Variants in PROM1 observed in about 807,000 individuals in gnomAD.
The protein encoded by PROM1 is prominin-1.
Under a neutral mutation model 116.9 loss-of-function variants are expected in PROM1, and 105 were observed. That is an observed-to-expected ratio of 0.90 (90% confidence interval 0.77 to 1.06). The LOEUF is 1.06. Ranked by LOEUF, PROM1 falls within the 50% of genes least tolerant of loss-of-function variation. The pLI, the probability that PROM1 is intolerant of heterozygous loss-of-function variation, is 0.00. For missense variants in PROM1, 1,122 were observed against 1,045.2 expected, an observed-to-expected ratio of 1.07 and a Z score of -1.01; for synonymous variants, 393 against 387.0, an observed-to-expected ratio of 1.02 and a Z score of -0.18.
chr4:15,973,949 G>A (rs28521658), intron 26 of PROM1, among the ~76,000 whole-genome samples: 13,960 of 152,180 alleles, frequency 0.092, 806 homozygotes, highest in African/African-American at 0.15. Flanking sequence ...TGGTCATCCT[G>A]CCCGGTTCCT....
chr4:15,972,772 G>C (rs776759886), intron 26 of PROM1, among the ~76,000 whole-genome samples: 3 of 152,118 alleles, frequency 2.0e-5, no homozygotes, highest in Non-Finnish European at 4.4e-5. Context: ...AATAAAGAAG[G>C]CCAATACATG....
intron 11 of PROM1, among the ~76,000 whole-genome samples, chr4:16,012,531 C>T (rs73230298): frequency 2.6e-5 from 4 of 152,136 alleles, no homozygotes; most frequent in African/African-American, 4.8e-5. Context: ...AGACTAAAAT[C>T]TTCCTAATAG....
At chr4:16,032,420 C>A (rs575040742) in intron 5 of PROM1, among the ~76,000 whole-genome samples, 1 of 152,290 alleles carries the variant, frequency 6.6e-6, no homozygotes, top group Admixed American at 6.5e-5. Context: ...TCCTGAATAT[C>A]ACTTCCTTAG....
chr4:16,035,722 A>T lies in PROM1; in HGVS notation c.303+13T>A, dbSNP rs1376664756. The T allele has an allele frequency of 6.2e-7, 1 of 1,609,718 alleles. No individual in the cohort carries two copies. Among genetic ancestry groups the T allele is most frequent in the Non-Finnish European group, 8.5e-7 (1 of 1,175,994 alleles). ...TTCCAAGAGCAACTTGAAATAGCAG[A>T]CAAGGACTTTACCTTTAGACCTAAG... is the stretch of plus-strand genomic sequence containing the variant. On this transcript the variant is annotated intron_variant, in intron 4 of 27. Coordinates refer to ENST00000447510, the MANE Select transcript of PROM1 (RefSeq NM_006017.3).
chr4:16,050,590 G>A (rs907643840), intron 2 of PROM1, among the ~76,000 whole-genome samples: 1 of 152,192 alleles, frequency 6.6e-6, no homozygotes, highest in East Asian at 1.9e-4. Context: ...CTGGGCTCAA[G>A]TGATTTCCCC....
intron 26 of PROM1, among the ~76,000 whole-genome samples, chr4:15,974,655 A>T (rs1309744760): frequency 6.6e-6 from 1 of 152,164 alleles, no homozygotes; most frequent in Admixed American, 6.5e-5. Context: ...TTCATTTATA[A>T]ACACAGGGTC....
chr4:16,061,230 A>C (rs1361260847), intron 2 of PROM1, among the ~76,000 whole-genome samples: 1 of 152,212 alleles, frequency 6.6e-6, no homozygotes, highest in African/African-American at 2.4e-5. Flanking sequence ...CAGAGATTTA[A>C]ATGAATCATT....
At chr4:15,988,701 A>G (rs572610050) in intron 19 of PROM1, among the ~76,000 whole-genome samples, 8 of 152,310 alleles carry the variant, frequency 5.3e-5, no homozygotes, top group African/African-American at 1.4e-4. Context: ...TTGGGAAAAA[A>G]GCATTTAAAA....
chr4:16,082,850 C>G (rs980967134), intron 1 of PROM1, among the ~76,000 whole-genome samples: 3 of 152,090 alleles, frequency 2.0e-5, no homozygotes, highest in African/African-American at 7.2e-5. Flanking sequence ...TGATCCCGAG[C>G]CTCTGACTTT....
chr4:16,036,240 T>C (rs1292869946), intron 3 of PROM1, among the ~76,000 whole-genome samples: 1 of 152,190 alleles, frequency 6.6e-6, no homozygotes, highest in African/African-American at 2.4e-5. Flanking sequence ...AACATCTCAA[T>C]GTTTGATTTT....
chr4:16,008,918 C>A, intron 12 of PROM1, 31 bp downstream of exon 12: 1 of 1,533,776 alleles, frequency 6.5e-7, no homozygotes, highest in East Asian at 2.3e-5. Context: ...AGTTCACTCT[C>A]GTAGTTCACC....
intron 15 of PROM1, among the ~76,000 whole-genome samples, chr4:15,995,345 A>G (rs374854143): frequency 2.1e-5 from 3 of 145,098 alleles, no homozygotes; most frequent in African/African-American, 7.5e-5. Flanking sequence ...GAAGACGAAG[A>G]AGAAGAAGGA....
At position 16,018,839 on chromosome 4, in the gene PROM1, C is replaced by T. The variant is rs539465888; in HGVS notation, c.785-299G>A. Among the ~76,000 whole-genome samples the T allele has an allele frequency of 1.7e-3, 265 of 152,280 alleles. 2 individuals carry two copies. Among genetic ancestry groups the T allele is most frequent in the Non-Finnish European group, 3.2e-3 (217 of 68,012 alleles). On this transcript the variant is annotated intron_variant, in intron 8 of 27. Coordinates refer to ENST00000447510, the MANE Select transcript of PROM1 (RefSeq NM_006017.3). Reference sequence around the variant, plus strand: ...GCAGCATTAACTGGCCAGCAGTGGCCAGCAAAGTTGTCACCACCCAGCCTC... The same window carrying T: ...GCAGCATTAACTGGCCAGCAGTGGCTAGCAAAGTTGTCACCACCCAGCCTC...
chr4:16,000,573 C>T lies in PROM1; in HGVS notation c.1501G>A (p.Val501Met). The T allele has an allele frequency of 1.3e-6, 2 of 1,587,544 alleles. No homozygotes were observed. The highest frequency in any genetic ancestry group is 1.7e-6 in the Non-Finnish European group (2 of 1,157,290). The change falls in exon 14 of 28, where the codon GTG becomes ATG. Residue 501 changes from valine to methionine, a missense_variant. Transcript: ENST00000447510. ...GCACCAAAGACAAAGGTAAGAACCA[C>T]AATGATCATCAATATCCAGCAAAAG... The part of the protein sequence containing the change: ...FLFCWILMII[V>M]VLTFVFGANV...
intron 3 of PROM1, among the ~76,000 whole-genome samples, chr4:16,038,253 T>C (rs1178022709): frequency 3.9e-5 from 6 of 152,168 alleles, no homozygotes; most frequent in Non-Finnish European, 8.8e-5. Flanking sequence ...CAAAGCTACT[T>C]TTTAACAAAC....
At chr4:16,056,729 G>A (rs1455700059) in intron 2 of PROM1, among the ~76,000 whole-genome samples, 1 of 152,180 alleles carries the variant, frequency 6.6e-6, no homozygotes, top group Non-Finnish European at 1.5e-5. Flanking sequence ...AATAGGCAGA[G>A]AAGCAAAGGG....
chr4:16,060,647 G>A (rs1051144679), intron 2 of PROM1, among the ~76,000 whole-genome samples: 1 of 152,084 alleles, frequency 6.6e-6, no homozygotes, highest in Non-Finnish European at 1.5e-5. Context: ...AACAGAGCCT[G>A]ACACTCAATA....
At chr4:16,069,145 G>C (rs1742238529) in intron 2 of PROM1, among the ~76,000 whole-genome samples, 1 of 152,222 alleles carries the variant, frequency 6.6e-6, no homozygotes, top group African/African-American at 2.4e-5. Flanking sequence ...TGAGGCAGGA[G>C]AATCACTTGA....
At chr4:16,016,031 G>T in intron 10 of PROM1, 135 bp downstream of exon 10, 1 of 733,970 alleles carries the variant, frequency 1.4e-6, no homozygotes, top group Non-Finnish European at 2.2e-6. Flanking sequence ...TGCCTGGAAG[G>T]TAATAGCTAT....
Sources: gnomAD v4.1 joint callset for allele counts (sites outside exome capture counted in the v4.1 genomes callset) on GRCh38, gnomAD v4.1.1 for gene constraint, MANE v1.5 for transcripts, NCBI Gene and HGNC (gene_info 2026-07-23, HGNC 2026-07-21) for gene names.